Variants in CACNB2 observed in about 807,000 individuals in gnomAD.
The protein encoded by CACNB2 is voltage-dependent L-type calcium channel subunit beta-2.
CACNB2 carries 42 observed loss-of-function variants against 73.3 expected under a neutral mutation model. The observed-to-expected ratio is 0.57, with a 90% CI of 0.45 to 0.74. The LOEUF (loss-of-function observed/expected upper bound fraction) is 0.74, where lower values mean the gene tolerates loss of function less well. Ranked by LOEUF, CACNB2 falls within the 30% of genes least tolerant of loss-of-function variation. The pLI, the probability that CACNB2 is intolerant of heterozygous loss-of-function variation, is 0.00. For missense variants in CACNB2, 940 were observed against 853.0 expected, an observed-to-expected ratio of 1.10 and a Z score of -1.27; for synonymous variants, 348 against 310.3, an observed-to-expected ratio of 1.12 and a Z score of -1.28.
intron 3 of CACNB2, among the ~76,000 whole-genome samples, chr10:18,492,363 G>A (rs2049488948): frequency 1.3e-5 from 2 of 152,316 alleles, no homozygotes; most frequent in South Asian, 4.1e-4. Context: ...GCTCACACCT[G>A]TAATCCCAGC....
At chr10:18,300,200 T>C (rs11013428) in intron 2 of CACNB2, among the ~76,000 whole-genome samples, 58,915 of 151,890 alleles carry the variant, frequency 0.39, 11,936 homozygotes, top group Middle Eastern at 0.48. Context: ...TTTTGTATTT[T>C]TAGTAGAGAT....
intron 3 of CACNB2, among the ~76,000 whole-genome samples, chr10:18,489,874 G>C (rs1357536176): frequency 2.0e-5 from 3 of 152,062 alleles, no homozygotes; most frequent in Non-Finnish European, 2.9e-5. Context: ...ACATGGCCTT[G>C]GTGTTTTAGT....
intron 9 of CACNB2, among the ~76,000 whole-genome samples, chr10:18,525,608 T>A (rs2052390494): frequency 1.3e-5 from 2 of 152,148 alleles, no homozygotes. Context: ...CATAAAAATA[T>A]GTCTTGGTGT....
chr10:18,405,249 C>G (rs1189812353), intron 3 of CACNB2, among the ~76,000 whole-genome samples: 1 of 152,166 alleles, frequency 6.6e-6, no homozygotes, highest in Non-Finnish European at 1.5e-5. Flanking sequence ...AGCCTGTTAT[C>G]AGTCACTCTC....
chr10:18,145,082 C>A (rs2030825087), intron 1 of CACNB2, among the ~76,000 whole-genome samples: 1 of 152,202 alleles, frequency 6.6e-6, no homozygotes, highest in South Asian at 2.1e-4. Flanking sequence ...CAGACAGTAA[C>A]CAGTGGGCCT....
At chr10:18,463,963 A>T (rs561221392) in intron 3 of CACNB2, among the ~76,000 whole-genome samples, 2 of 152,032 alleles carry the variant, frequency 1.3e-5, no homozygotes, top group African/African-American at 4.8e-5. Context: ...ATGTCCAGAT[A>T]TTCCTCCCAC....
chr10:18,514,764 C>A (rs2051112118), intron 7 of CACNB2, among the ~76,000 whole-genome samples: 1 of 152,190 alleles, frequency 6.6e-6, no homozygotes, highest in African/African-American at 2.4e-5. Context: ...TTTGTTTCAA[C>A]ATTCAGGGAT....
intron 3 of CACNB2, among the ~76,000 whole-genome samples, chr10:18,481,346 A>C (rs1589488209): frequency 7.2e-6 from 1 of 138,084 alleles, no homozygotes. Context: ...TCCTGGCTTC[A>C]AGTGATTCTT....
chr10:18,372,765 G>A (rs1387883493), intron 2 of CACNB2, among the ~76,000 whole-genome samples: 2 of 152,116 alleles, frequency 1.3e-5, no homozygotes, highest in African/African-American at 2.4e-5. Flanking sequence ...CCTTGGATAA[G>A]TTATTTAAAC....
At chr10:18,492,322 T>C (rs996832812) in intron 3 of CACNB2, among the ~76,000 whole-genome samples, 7 of 151,730 alleles carry the variant, frequency 4.6e-5, no homozygotes, top group African/African-American at 1.5e-4. Flanking sequence ...GTAAACAAAG[T>C]GAATATGGGA....
intron 6 of CACNB2, among the ~76,000 whole-genome samples, chr10:18,507,448 A>G (rs1260280168): frequency 6.6e-6 from 1 of 152,226 alleles, no homozygotes; most frequent in Non-Finnish European, 1.5e-5. Context: ...CAGATAAACA[A>G]TAATTTACTA....
At chr10:18,493,595 G>A (rs1007661531) in intron 3 of CACNB2, among the ~76,000 whole-genome samples, 2 of 152,104 alleles carry the variant, frequency 1.3e-5, no homozygotes, top group African/African-American at 4.8e-5. Context: ...TCCATTTTCT[G>A]TAATCCCGTT....
chr10:18,531,697 C>T (rs12764398), intron 10 of CACNB2, among the ~76,000 whole-genome samples: 31,253 of 152,110 alleles, frequency 0.21, 3,518 homozygotes, highest in South Asian at 0.3. Flanking sequence ...TTTTTAATAA[C>T]AGCCATTCTA....
At chr10:18,159,006 C>T (rs531530890) in intron 2 of CACNB2, among the ~76,000 whole-genome samples, 1 of 152,208 alleles carries the variant, frequency 6.6e-6, no homozygotes, top group South Asian at 2.1e-4. Flanking sequence ...TAGTGTAGTT[C>T]TGTTCTCTCT....
chr10:18,409,031 A>T (rs747038778), intron 3 of CACNB2, among the ~76,000 whole-genome samples: 79 of 151,628 alleles, frequency 5.2e-4, no homozygotes, highest in Admixed American at 1.4e-3. Flanking sequence ...ATTTTTTAAA[A>T]TTTTTTTTGT....
At chr10:18,538,131 G>GTGAAAACTGGGCTGGCA (rs2053789657) in intron 12 of CACNB2, 49 bp from the exon 13 acceptor site, 1 of 1,592,006 alleles carries the variant, frequency 6.3e-7, no homozygotes, top group African/African-American at 1.3e-5. Flanking sequence ...TGGGAAGGGG[G>GTGAAAACTGGGCTGGCA]TGAAAACTGG....
At chr10:18,457,800 G>T (rs2047360665) in intron 3 of CACNB2, among the ~76,000 whole-genome samples, 1 of 152,042 alleles carries the variant, frequency 6.6e-6, no homozygotes, top group Admixed American at 6.6e-5. Context: ...TGAGGCAGGA[G>T]AATCACTTGA....
chr10:18,223,479 T>G (rs78634605), intron 2 of CACNB2, among the ~76,000 whole-genome samples: 10,155 of 152,266 alleles, frequency 0.067, 576 homozygotes, highest in African/African-American at 0.15. Context: ...TTATTGATTA[T>G]TTAATGTATT....
Position 18,468,791 on chromosome 10 carries a change from GT to G in CACNB2, c.334-29561del, listed in dbSNP as rs1452981637. On this transcript the variant is annotated intron_variant, in intron 3 of 13. Transcript: ENST00000324631. ...ATTTTGTATTTTTAGTAAAGATGGGGTTTCTGCATGTTGGTCAGGCTGGTCT... is the reference window on the plus strand; with the variant it reads ...ATTTTGTATTTTTAGTAAAGATGGGGTTCTGCATGTTGGTCAGGCTGGTCT... Among the ~76,000 whole-genome samples, 6 of 152,078 alleles carry G rather than the reference GT, an allele frequency of 3.9e-5. No homozygotes were observed. The East Asian group carries it at 1.2e-3, about 30-fold the overall frequency.
Sources: gnomAD v4.1 joint callset for allele counts (sites outside exome capture counted in the v4.1 genomes callset) on GRCh38, gnomAD v4.1.1 for gene constraint, MANE v1.5 for transcripts, NCBI Gene and HGNC (gene_info 2026-07-23, HGNC 2026-07-21) for gene names.